The following STK32C variants were observed in gnomAD, a reference collection of about 807,000 sequenced individuals.
The protein encoded by STK32C is serine/threonine-protein kinase 32C.
Under a neutral mutation model 56.5 loss-of-function variants are expected in STK32C, and 31 were observed. The observed-to-expected ratio is 0.55, with a 90% CI of 0.41 to 0.74. The LOEUF is 0.74. Ranked by LOEUF, STK32C falls within the 30% of genes least tolerant of loss-of-function variation. STK32C has a pLI of 0.00. For missense variants in STK32C, 544 were observed against 676.9 expected, an observed-to-expected ratio of 0.80 and a Z score of 2.18; for synonymous variants, 309 against 289.4, an observed-to-expected ratio of 1.07 and a Z score of -0.69.
intron 2 of STK32C, among the ~76,000 whole-genome samples, chr10:132,235,454 C>T (rs1272155751): frequency 9.5e-5 from 6 of 63,236 alleles, no homozygotes. Context: ...CGAGATTGCA[C>T]CATTGCACTC....
intron 10 of STK32C, among the ~76,000 whole-genome samples, chr10:132,215,162 G>A (rs1304407965): frequency 6.6e-6 from 1 of 152,124 alleles, no homozygotes; most frequent in East Asian, 1.9e-4. Flanking sequence ...GGTATCACAG[G>A]TGTATCCCAC....
At chr10:132,242,653 G>A (rs923838038) in intron 2 of STK32C, among the ~76,000 whole-genome samples, 43 of 152,120 alleles carry the variant, frequency 2.8e-4, no homozygotes, top group African/African-American at 9.4e-4. Flanking sequence ...CCCCCCATGC[G>A]GCCCCCCGCG....
chr10:132,331,303 A>G, intron 1 of STK32C: 1 of 876,692 alleles, frequency 1.1e-6, no homozygotes, highest in East Asian at 2.7e-5. Context: ...GCTACTTTTC[A>G]TTATCAGTTG....
intron 1 of STK32C, among the ~76,000 whole-genome samples, chr10:132,291,653 A>G (rs1236664726): frequency 6.6e-6 from 1 of 152,196 alleles, no homozygotes; most frequent in Non-Finnish European, 1.5e-5. Flanking sequence ...AGACTCCTGT[A>G]TGAACGCTGA....
chr10:132,220,274 T>G (rs1427620477), intron 10 of STK32C, among the ~76,000 whole-genome samples: 1 of 152,180 alleles, frequency 6.6e-6, no homozygotes, highest in Non-Finnish European at 1.5e-5. Context: ...GCTGGGGGGA[T>G]GCGTCTAGGC....
At chr10:132,214,479 C>A (rs2062407354) in intron 10 of STK32C, among the ~76,000 whole-genome samples, 1 of 152,188 alleles carries the variant, frequency 6.6e-6, no homozygotes, top group Non-Finnish European at 1.5e-5. Flanking sequence ...AGGAATTCAT[C>A]TCTGTTGGAC....
chr10:132,278,513 G>A (rs1361747385), intron 1 of STK32C, among the ~76,000 whole-genome samples: 2 of 152,184 alleles, frequency 1.3e-5, no homozygotes, highest in Non-Finnish European at 2.9e-5. Flanking sequence ...TGTAATCCCA[G>A]CACTTTGAGA....
At chr10:132,301,662 A>G (rs749870367) in intron 1 of STK32C, among the ~76,000 whole-genome samples, 4 of 152,246 alleles carry the variant, frequency 2.6e-5, no homozygotes, top group Non-Finnish European at 5.9e-5. Context: ...TAAAGGAAAC[A>G]GTGCGGGCTA....
intron 1 of STK32C, among the ~76,000 whole-genome samples, chr10:132,258,879 T>C (rs2064212906): frequency 6.6e-6 from 1 of 152,240 alleles, no homozygotes; most frequent in South Asian, 2.1e-4. Context: ...CATGAAGGTC[T>C]CCGCCCGTGG....
At chr10:132,310,067 C>T (rs1049768741), upstream of STK32C, among the ~76,000 whole-genome samples, 2 of 152,204 alleles carry the variant, frequency 1.3e-5, no homozygotes, top group African/African-American at 4.8e-5. This position sits in a 1 kb window ranked among gnomAD's most constrained non-coding sequence, Gnocchi z 4.6. Context: ...TGGGGATGGA[C>T]AGTCCTCTGG....
chr10:132,284,312 G>A (rs181883224), intron 1 of STK32C, among the ~76,000 whole-genome samples: 23 of 65,766 alleles, frequency 3.5e-4, no homozygotes, highest in South Asian at 7.4e-4. Flanking sequence ...TGAGGTTGGG[G>A]GGGCAGGTGA....
chr10:132,208,927 C>T (rs1477683648), intron 11 of STK32C, 107 bp downstream of exon 11: 45 of 1,031,936 alleles, frequency 4.4e-5, no homozygotes, highest in Admixed American at 2.2e-4. Context: ...AGCAGGGCCA[C>T]GCACCCCAGG....
upstream of STK32C, among the ~76,000 whole-genome samples, chr10:132,308,988 C>T (rs1047637205): frequency 1.3e-5 from 2 of 152,198 alleles, no homozygotes; most frequent in Non-Finnish European, 2.9e-5. Context: ...TCCTTAAGTT[C>T]TGCCCTGTAA....
At chr10:132,264,995 A>T (rs1023000184) in intron 1 of STK32C, among the ~76,000 whole-genome samples, 2 of 142,188 alleles carry the variant, frequency 1.4e-5, no homozygotes, top group Non-Finnish European at 3.2e-5. Context: ...AGGATTCAGG[A>T]CAGCCACACA....
chr10:132,327,138 G>C (rs1052962302), intron 1 of STK32C, among the ~76,000 whole-genome samples: 3 of 152,170 alleles, frequency 2.0e-5, no homozygotes, highest in Non-Finnish European at 4.4e-5. Flanking sequence ...GAGGGACCCG[G>C]TGGGAGGTAA....
chr10:132,319,045 T>G (rs7915471), downstream of STK32C, among the ~76,000 whole-genome samples: 22,071 of 152,168 alleles, frequency 0.15, 2,067 homozygotes, highest in Non-Finnish European at 0.22. Context: ...ACGTCCTGGG[T>G]TAAAGCAATT....
At chr10:132,298,020 T>TA (rs1371485321) in intron 1 of STK32C, among the ~76,000 whole-genome samples, 13 of 152,240 alleles carry the variant, frequency 8.5e-5, no homozygotes, top group Non-Finnish European at 1.5e-4. Context: ...GCCATTTGGC[T>TA]AAACTGGGGT....
At chr10:132,306,404 CA>C (rs1224843879) in intron 1 of STK32C, among the ~76,000 whole-genome samples, 3 of 152,234 alleles carry the variant, frequency 2.0e-5, no homozygotes, top group Non-Finnish European at 4.4e-5. Context: ...TCCCGAAGTT[CA>C]GGACACAGTG....
Position 132,292,400 on chromosome 10 carries a change from T to C in STK32C, c.262+15172A>G, listed in dbSNP as rs114040146. On this transcript the variant is annotated intron_variant, in intron 1 of 11. Transcript: ENST00000298630. Reference sequence around the variant, plus strand: ...CACATGCATATTGATACCCACACTCTCTCACCCAGTCACACACTCATCCAC... The same window carrying C: ...CACATGCATATTGATACCCACACTCCCTCACCCAGTCACACACTCATCCAC... 2.3e-3 allele frequency among the ~76,000 whole-genome samples: 356 copies of C among 152,220 alleles called. 3 individuals carry two copies. The highest frequency in any genetic ancestry group is 8.3e-3 in the African/African-American group (346 of 41,518).
Sources: allele counts gnomAD v4.1 joint callset (sites outside exome capture counted in the v4.1 genomes callset), GRCh38; gene constraint gnomAD v4.1.1; non-coding constraint Gnocchi (gnomAD v3.1); transcripts MANE v1.5; gene names NCBI Gene and HGNC (gene_info 2026-07-23, HGNC 2026-07-21).